The following CACNB2 variants were observed in gnomAD, a reference collection of about 807,000 sequenced individuals.
The protein encoded by CACNB2 is voltage-dependent L-type calcium channel subunit beta-2.
Under a neutral mutation model 73.3 loss-of-function variants are expected in CACNB2, and 42 were observed. The ratio of observed to expected loss-of-function variants is 0.57; its 90% CI spans 0.45 to 0.74. The LOEUF is 0.74. Ranked by LOEUF, CACNB2 falls within the 30% of genes least tolerant of loss-of-function variation. The pLI is 0.00. For synonymous variants in CACNB2, 348 were observed against 310.3 expected (o/e 1.12, Z -1.28); for missense variants, 940 against 853.0 (o/e 1.10, Z -1.27).
At chr10:18,165,909 A>G (rs773617223) in intron 2 of CACNB2, among the ~76,000 whole-genome samples, 4 of 152,154 alleles carry the variant, frequency 2.6e-5, no homozygotes, top group Non-Finnish European at 4.4e-5. Context: ...TTACATTTCT[A>G]TGGTTTGAAG....
At chr10:18,373,527 G>A (rs1440465104) in intron 2 of CACNB2, among the ~76,000 whole-genome samples, 1 of 152,160 alleles carries the variant, frequency 6.6e-6, no homozygotes, top group African/African-American at 2.4e-5. Context: ...TAATGAGTTT[G>A]AAAAATGTGC....
At chr10:18,432,418 T>C (rs889321933) in intron 3 of CACNB2, among the ~76,000 whole-genome samples, 26 of 149,374 alleles carry the variant, frequency 1.7e-4, no homozygotes, top group African/African-American at 6.0e-4. Flanking sequence ...TAACACAAAT[T>C]GCACTCTGTG....
rs899627915 is a variant in CACNB2 at position 18,539,814 on chromosome 10, G to A, written c.*90G>A. ...AAACAAAGTCTTTGGGGTCTACACT[G>A]CAATCATATGTGATCTGTCTTGTAA... On this transcript the variant is annotated 3_prime_UTR_variant, in exon 14 of 14. Transcript: ENST00000324631. The A allele has an allele frequency of 8.0e-6, 10 of 1,250,084 alleles. No homozygotes were observed. In the African/African-American group the frequency reaches 1.5e-4, roughly 19 times the overall value. 77.4% of individuals were successfully genotyped at this position (1,250,084 alleles called of 1,614,324 possible). A position where few individuals can be genotyped will look rare whatever the true frequency, so the allele number is the denominator to read the frequency against.
chr10:18,405,854 A>G (rs2044258946), intron 3 of CACNB2, among the ~76,000 whole-genome samples: 2 of 152,138 alleles, frequency 1.3e-5, no homozygotes, highest in African/African-American at 2.4e-5. Flanking sequence ...GCTACTTGGG[A>G]GGCTGAGGCA....
chr10:18,388,250 A>G (rs970612126), intron 2 of CACNB2, among the ~76,000 whole-genome samples: 3 of 152,220 alleles, frequency 2.0e-5, no homozygotes, highest in African/African-American at 7.2e-5. Context: ...ACTTTTGACC[A>G]ATGGTATATG....
intron 2 of CACNB2, among the ~76,000 whole-genome samples, chr10:18,363,521 A>G (rs1341444453): frequency 6.6e-6 from 1 of 152,222 alleles, no homozygotes; most frequent in Non-Finnish European, 1.5e-5. Flanking sequence ...ATGCTTTCAA[A>G]GAGTGTGCAC....
At chr10:18,253,445 G>A (rs1048397960) in intron 2 of CACNB2, among the ~76,000 whole-genome samples, 2 of 151,964 alleles carry the variant, frequency 1.3e-5, no homozygotes, top group African/African-American at 2.4e-5. Context: ...TTTCTCTTTC[G>A]TGGTCTTTCC....
rs531165244 is a variant in CACNB2, at chr10:18,482,314, A to C, written c.334-16041A>C. Among the ~76,000 whole-genome samples, 52 of 152,304 alleles carry C rather than the reference A, an allele frequency of 3.4e-4. 3 individuals are homozygous for C. In the South Asian group the frequency reaches 9.9e-3, roughly 29 times the overall value. On this transcript the variant is annotated intron_variant, in intron 3 of 13. Transcript: ENST00000324631. ...ATTACAGTCTAATAATGTCTGAAAA[A>C]AACAAGTCTGTTTATCACGCTGAAT...
At chr10:18,152,287 G>C (rs1427729440) in intron 2 of CACNB2, among the ~76,000 whole-genome samples, 1 of 152,166 alleles carries the variant, frequency 6.6e-6, no homozygotes, top group Non-Finnish European at 1.5e-5. Context: ...GAAAAAAACT[G>C]GTCCTGGTCC....
At chr10:18,196,145 C>G (rs923789927) in intron 2 of CACNB2, among the ~76,000 whole-genome samples, 1 of 152,128 alleles carries the variant, frequency 6.6e-6, no homozygotes, top group Non-Finnish European at 1.5e-5. Context: ...TCTTATTTTA[C>G]AGATGTGACA....
At chr10:18,275,874 A>G (rs1171176913) in intron 2 of CACNB2, among the ~76,000 whole-genome samples, 1 of 152,176 alleles carries the variant, frequency 6.6e-6, no homozygotes, top group Non-Finnish European at 1.5e-5. Context: ...TTGAAGTAGG[A>G]CTTTACTATC....
intron 2 of CACNB2, among the ~76,000 whole-genome samples, chr10:18,251,398 C>T (rs1330024992): frequency 6.6e-6 from 1 of 152,092 alleles, no homozygotes; most frequent in East Asian, 1.9e-4. Context: ...CACACGCCTG[C>T]CACAACGCCC....
intron 2 of CACNB2, among the ~76,000 whole-genome samples, chr10:18,345,872 G>A (rs527259773): frequency 6.6e-6 from 1 of 152,250 alleles, no homozygotes; most frequent in Non-Finnish European, 1.5e-5. Flanking sequence ...ATTTTTGACA[G>A]GGAGCTAATA....
intron 2 of CACNB2, among the ~76,000 whole-genome samples, chr10:18,351,307 C>A (rs1236625894): frequency 1.2e-4 from 19 of 152,024 alleles, no homozygotes; most frequent in Admixed American, 1.2e-3. Flanking sequence ...GATGAGAAGA[C>A]AATTAATTCT....
intron 2 of CACNB2, among the ~76,000 whole-genome samples, chr10:18,204,955 T>A (rs1489294399): frequency 6.9e-6 from 1 of 145,616 alleles, no homozygotes; most frequent in African/African-American, 2.5e-5. Flanking sequence ...CACTTCTTGC[T>A]GGATTCCTTA....
intron 2 of CACNB2, among the ~76,000 whole-genome samples, chr10:18,362,797 A>G (rs545979387): frequency 9.2e-5 from 14 of 152,284 alleles, no homozygotes; most frequent in African/African-American, 3.1e-4. Context: ...AGTCCCAGCT[A>G]CTTGGGAGGC....
intron 2 of CACNB2, among the ~76,000 whole-genome samples, chr10:18,389,531 T>C (rs1221273489): frequency 1.2e-4 from 19 of 152,212 alleles, no homozygotes; most frequent in Non-Finnish European, 2.9e-5. Context: ...TTAAATACAG[T>C]CATCATAAAC....
At chr10:18,275,820 T>A (rs887301172) in intron 2 of CACNB2, among the ~76,000 whole-genome samples, 7 of 152,178 alleles carry the variant, frequency 4.6e-5, no homozygotes, top group African/African-American at 7.2e-5. Context: ...TATTAATAGT[T>A]TCTAAATTAC....
At chr10:18,250,517 T>C (rs989642084) in intron 2 of CACNB2, among the ~76,000 whole-genome samples, 8 of 151,074 alleles carry the variant, frequency 5.3e-5, no homozygotes, top group Non-Finnish European at 8.9e-5. Flanking sequence ...CTGCCTATTG[T>C]CAATTTTATC....
Sources: gnomAD v4.1 joint callset for allele counts (sites outside exome capture counted in the v4.1 genomes callset) on GRCh38, gnomAD v4.1.1 for gene constraint, MANE v1.5 for transcripts, NCBI Gene and HGNC (gene_info 2026-07-23, HGNC 2026-07-21) for gene names.